The following SLC1A2 variants were observed in gnomAD, a reference collection of about 807,000 sequenced individuals.
The protein encoded by SLC1A2 is solute carrier family 1 member 2, also known as excitatory amino acid transporter 2.
In SLC1A2, 15 loss-of-function variants were observed where a neutral mutation model predicts 48.8. The ratio of observed to expected loss-of-function variants is 0.31; its 90% CI spans 0.21 to 0.47. The LOEUF (loss-of-function observed/expected upper bound fraction) is 0.47, where lower values mean the gene tolerates loss of function less well. Ranked by LOEUF, SLC1A2 falls within the 20% of genes least tolerant of loss-of-function variation. The probability of loss-of-function intolerance (pLI) is 0.99; values close to 1 mark genes in which losing one functional copy is unlikely to be tolerated. For synonymous variants in SLC1A2, 279 were observed against 272.6 expected (o/e 1.02, Z -0.23); for missense variants, 502 against 730.5 (o/e 0.69, Z 3.61).
intron 1 of SLC1A2, among the ~76,000 whole-genome samples, chr11:35,414,996 G>A (rs1855566397): frequency 6.6e-6 from 1 of 152,196 alleles, no homozygotes. Flanking sequence ...AGGGCAGGGA[G>A]GGGAGGATTT....
chr11:35,350,332 A>T (rs774617495), intron 1 of SLC1A2, among the ~76,000 whole-genome samples: 5 of 152,152 alleles, frequency 3.3e-5, no homozygotes, highest in Non-Finnish European at 7.3e-5. Flanking sequence ...GATATGGGGG[A>T]TAGAAGATGG....
At chr11:35,394,528 C>T (rs184992952) in intron 1 of SLC1A2, among the ~76,000 whole-genome samples, 109 of 152,294 alleles carry the variant, frequency 7.2e-4, no homozygotes, top group African/African-American at 2.6e-3. Context: ...TTTAGAAAAA[C>T]GACCAAATGA....
At chr11:35,320,646 T>G (rs1852026860) in intron 1 of SLC1A2, among the ~76,000 whole-genome samples, 1 of 152,186 alleles carries the variant, frequency 6.6e-6, no homozygotes, top group Non-Finnish European at 1.5e-5. Flanking sequence ...AAATTGAGAA[T>G]TGAAAAGCAG....
intron 9 of SLC1A2, among the ~76,000 whole-genome samples, chr11:35,268,630 A>T (rs1417678260): frequency 1.3e-5 from 2 of 151,332 alleles, no homozygotes; most frequent in Admixed American, 1.3e-4. Flanking sequence ...GTGCCACTAC[A>T]CTCCAGTCTG....
intron 1 of SLC1A2, among the ~76,000 whole-genome samples, chr11:35,409,728 G>A (rs1468079019): frequency 6.6e-6 from 1 of 152,092 alleles, no homozygotes; most frequent in Non-Finnish European, 1.5e-5. Context: ...GGCCAATATG[G>A]TGAAATCCTA....
intron 1 of SLC1A2, among the ~76,000 whole-genome samples, chr11:35,385,714 T>C (rs756304051): frequency 2.0e-5 from 3 of 152,200 alleles, no homozygotes; most frequent in Non-Finnish European, 4.4e-5. Flanking sequence ...CTCCTTAGCA[T>C]CTTCTAACCA....
rs1025099543 is a variant in SLC1A2, at chr11:35,260,690, G to T, written c.*204C>A. ...AATAATACAAGTGAGAAAATTAGAC[G>T]GTTATAAAGCATTATTTGGCAAAGA... On this transcript the variant is annotated 3_prime_UTR_variant, in exon 11 of 11. Coordinates refer to ENST00000278379, the MANE Select transcript of SLC1A2 (RefSeq NM_004171.4). The T allele has an allele frequency of 5.6e-6, 3 of 537,456 alleles. No individual in the cohort carries two copies. Among genetic ancestry groups the T allele is most frequent in the East Asian group, 6.1e-5 (2 of 32,778 alleles). 33.3% of individuals were successfully genotyped at this position (537,456 alleles called of 1,614,324 possible).
At chr11:35,295,007 C>G (rs1268850722) in intron 6 of SLC1A2, among the ~76,000 whole-genome samples, 3 of 152,042 alleles carry the variant, frequency 2.0e-5, no homozygotes, top group African/African-American at 7.2e-5. Context: ...TCTTTCAGGG[C>G]CATTACTTTC....
Position 35,257,307 on chromosome 11 carries a change from C to A in SLC1A2, c.*3587G>T, listed in dbSNP as rs984783060. The A allele has an allele frequency of 6.6e-6, 1 of 152,332 alleles. No homozygotes were observed. Among genetic ancestry groups the A allele is most frequent in the South Asian group, 2.1e-4 (1 of 4,828 alleles). The allele number at this position is 152,332 out of a possible 1,614,324, so 9.4% of individuals were successfully genotyped here. On this transcript the variant is annotated 3_prime_UTR_variant, in exon 11 of 11. Coordinates refer to ENST00000278379, the MANE Select transcript of SLC1A2 (RefSeq NM_004171.4). ...TATTCCATGAGTCTAAATCCAGGAG[C>A]TAGGCATTTTGGCACCCCTTCTTTC...
intron 6 of SLC1A2, among the ~76,000 whole-genome samples, chr11:35,292,937 T>G (rs1376200225): frequency 2.6e-5 from 4 of 152,052 alleles, no homozygotes; most frequent in African/African-American, 9.7e-5. Flanking sequence ...ATTTGTAAAT[T>G]TGCATTGTTC....
chr11:35,343,749 T>A (rs1852927041), intron 1 of SLC1A2, among the ~76,000 whole-genome samples: 2 of 151,314 alleles, frequency 1.3e-5, no homozygotes, highest in Admixed American at 1.3e-4. Flanking sequence ...TGCACCAGAA[T>A]AATAATAATA....
intron 1 of SLC1A2, among the ~76,000 whole-genome samples, chr11:35,342,572 A>G (rs75224725): frequency 0.076 from 11,560 of 151,944 alleles, 738 homozygotes; most frequent in African/African-American, 0.17. Context: ...TTGGTTCAAA[A>G]GGAGCCACAG....
intron 1 of SLC1A2, among the ~76,000 whole-genome samples, chr11:35,353,292 C>A (rs572314787): frequency 6.2e-4 from 94 of 152,314 alleles, no homozygotes; most frequent in African/African-American, 2.2e-3. Context: ...ACTCCCCTAA[C>A]CGTTCATACA....
chr11:35,356,357 T>C (rs1373953303), intron 1 of SLC1A2, among the ~76,000 whole-genome samples: 2 of 152,196 alleles, frequency 1.3e-5, no homozygotes, highest in East Asian at 1.9e-4. Context: ...TTGACCTCAT[T>C]GGTGTCCCGA....
chr11:35,332,187 T>C lies in SLC1A2; in HGVS notation c.18-14671A>G, dbSNP rs79546489. 1.5e-3 allele frequency among the ~76,000 whole-genome samples: 235 copies of C among 152,324 alleles called. 7 individuals are homozygous for C. In the East Asian group the frequency reaches 0.044, roughly 29 times the overall value. ...TAGGGCTTCTAATTACCACAAGTGA[T>C]CATGACTTGAATTTTTATGCACTTC... On this transcript the variant is annotated intron_variant, in intron 1 of 10. Transcript: ENST00000278379.
chr11:35,372,031 C>A (rs1050428256), intron 1 of SLC1A2, among the ~76,000 whole-genome samples: 3 of 152,184 alleles, frequency 2.0e-5, no homozygotes, highest in Non-Finnish European at 4.4e-5. Flanking sequence ...CAGCTGGCTC[C>A]CCCATCAGTC....
At chr11:35,265,227 T>A in intron 10 of SLC1A2, 1 of 472,562 alleles carries the variant, frequency 2.1e-6, no homozygotes, top group Non-Finnish European at 3.7e-6. Flanking sequence ...GGGCGAAATA[T>A]TCAAGACAAC....
chr11:35,351,936 G>C (rs1853274555), intron 1 of SLC1A2, among the ~76,000 whole-genome samples: 1 of 152,132 alleles, frequency 6.6e-6, no homozygotes, highest in East Asian at 1.9e-4. Flanking sequence ...ATCTGGCCCT[G>C]ATCATAATTT....
At chr11:35,324,027 C>A (rs1001987559) in intron 1 of SLC1A2, among the ~76,000 whole-genome samples, 2 of 152,236 alleles carry the variant, frequency 1.3e-5, no homozygotes, top group African/African-American at 4.8e-5. Context: ...AGACCACCTA[C>A]ATCAGGCACA....
Sources: gnomAD v4.1 joint callset for allele counts (sites outside exome capture counted in the v4.1 genomes callset) on GRCh38, gnomAD v4.1.1 for gene constraint, MANE v1.5 for transcripts, NCBI Gene and HGNC (gene_info 2026-07-23, HGNC 2026-07-21) for gene names.